Variants in TAFA5 observed in about 807,000 individuals in gnomAD.
TAFA5 encodes TAFA chemokine like family member 5, also known as chemokine-like protein TAFA-5.
A neutral mutation model predicts 15.3 loss-of-function variants in TAFA5; 6 were observed. The observed-to-expected ratio is 0.39, with a 90% CI of 0.21 to 0.77. TAFA5 has a LOEUF of 0.77. Ranked by LOEUF, TAFA5 falls within the 30% of genes least tolerant of loss-of-function variation. The pLI is 0.41. For missense variants in TAFA5, 161 were observed against 193.1 expected (o/e 0.83, Z 0.98); for synonymous variants, 103 against 80.7 (o/e 1.28, Z -1.48).
intron 2 of TAFA5, among the ~76,000 whole-genome samples, chr22:48,674,515 C>A (rs143529586): frequency 1.3e-5 from 2 of 152,168 alleles, no homozygotes; most frequent in Admixed American, 1.3e-4. Flanking sequence ...ACGGTGATCT[C>A]GGTGTTATTG....
Position 48,489,988 on chromosome 22 carries a change from C to G in TAFA5, c.112+284C>G, listed in dbSNP as rs988630137. Among the ~76,000 whole-genome samples the G allele has an allele frequency of 6.6e-6, 1 of 151,850 alleles. No homozygotes were observed. Among genetic ancestry groups the G allele is most frequent in the East Asian group, 2.0e-4 (1 of 5,128 alleles). On this transcript the variant is annotated intron_variant, in intron 1 of 3. Transcript: ENST00000402357. This position sits in a 1 kb window ranked among gnomAD's most constrained non-coding sequence, Gnocchi z 5.5. ...GCTCCAGGCCCCGGGTGGCGCGGCC[C>G]GTCCCTGCCCGGCGGTCGGAGCCCA...
intron 1 of TAFA5, among the ~76,000 whole-genome samples, chr22:48,630,174 A>AAGGTGGC: frequency 6.6e-6 from 1 of 151,572 alleles, no homozygotes; most frequent in African/African-American, 2.4e-5. Context: ...GAGCAGGTGG[A>AAGGTGGC]GTGGGAGGCT....
At chr22:48,531,553 T>A (rs941417026) in intron 1 of TAFA5, among the ~76,000 whole-genome samples, 8 of 152,300 alleles carry the variant, frequency 5.3e-5, no homozygotes, top group Non-Finnish European at 8.8e-5. Context: ...GGTTTGGCAT[T>A]GGCGTCAGGT....
At chr22:48,522,135 T>G (rs1921622785) in intron 1 of TAFA5, among the ~76,000 whole-genome samples, 1 of 152,188 alleles carries the variant, frequency 6.6e-6, no homozygotes, top group African/African-American at 2.4e-5. Flanking sequence ...TTTTTGTTTT[T>G]TCCCACGTAG....
intron 1 of TAFA5, among the ~76,000 whole-genome samples, chr22:48,528,761 G>T (rs936388225): frequency 6.6e-6 from 1 of 152,228 alleles, no homozygotes; most frequent in Non-Finnish European, 1.5e-5. Flanking sequence ...TGCAGGGCCG[G>T]TGGGCGGGGC....
At chr22:48,514,973 G>A (rs1309306581) in intron 1 of TAFA5, among the ~76,000 whole-genome samples, 1 of 152,250 alleles carries the variant, frequency 6.6e-6, no homozygotes, top group Non-Finnish European at 1.5e-5. Context: ...ACATGGCACG[G>A]GCCTCCCAGC....
intron 1 of TAFA5, among the ~76,000 whole-genome samples, chr22:48,645,925 T>C (rs767394766): frequency 1.3e-5 from 2 of 152,116 alleles, no homozygotes; most frequent in Non-Finnish European, 2.9e-5. Context: ...TGTGCGGTCA[T>C]GTGTGCCTGT....
intron 1 of TAFA5, among the ~76,000 whole-genome samples, chr22:48,628,962 G>A (rs569648579): frequency 2.6e-5 from 4 of 152,262 alleles, no homozygotes; most frequent in South Asian, 2.1e-4. Context: ...AGAGCCGGGC[G>A]CCGTTTCCCT....
rs1311621821 is a variant in TAFA5, at chr22:48,662,388, C to T, written c.262+15642C>T. Among the ~76,000 whole-genome samples, 6 of 152,188 alleles carry T rather than the reference C, an allele frequency of 3.9e-5. No individual in the cohort carries two copies. The East Asian group carries it at 7.7e-4, about 20-fold the overall frequency. The stretch of plus-strand genomic sequence containing the variant: ...CTTCTACAAAAATCTCTCTGCTGCT[C>T]TCTGGACCATAAGTTCAGGGCAGCA... On this transcript the variant is annotated intron_variant, in intron 2 of 3. Coordinates refer to ENST00000402357, the MANE Select transcript of TAFA5 (RefSeq NM_001082967.3).
At chr22:48,538,309 C>T (rs1922241115) in intron 1 of TAFA5, among the ~76,000 whole-genome samples, 1 of 152,174 alleles carries the variant, frequency 6.6e-6, no homozygotes, top group African/African-American at 2.4e-5. Flanking sequence ...GGGCTGAGGG[C>T]CGCTGCCCCG....
intron 1 of TAFA5, among the ~76,000 whole-genome samples, chr22:48,493,695 A>AATTATC (rs1204488879): frequency 6.6e-6 from 1 of 152,158 alleles, no homozygotes; most frequent in Non-Finnish European, 1.5e-5. Context: ...CATAAATATA[A>AATTATC]ATTATCTGTC....
intron 2 of TAFA5, among the ~76,000 whole-genome samples, chr22:48,654,217 A>C (rs1027631003): frequency 2.0e-5 from 3 of 152,054 alleles, no homozygotes; most frequent in African/African-American, 7.2e-5. Context: ...GCTGCCAACC[A>C]GGAGAGCCAA....
chr22:48,735,188 G>A (rs910110949), intron 3 of TAFA5, among the ~76,000 whole-genome samples: 5 of 152,296 alleles, frequency 3.3e-5, no homozygotes, highest in Admixed American at 2.0e-4. Context: ...CCACCCACGA[G>A]CCACAGAGCT....
rs920004086 is a variant in TAFA5 at position 48,576,716 on chromosome 22, C to T, written c.113-69881C>T. The T allele has an allele frequency of 1.2e-5, 12 of 1,041,520 alleles. No individual in the cohort carries two copies. The African/African-American group carries it at 1.5e-4, about 13-fold the overall frequency. The allele number at this position is 1,041,520 out of a possible 1,614,324, so 64.5% of individuals were successfully genotyped here. ...AGCGCCACTGCGGGCCCGGAGCGGCCGGCGGCGCGACCCTACCAGGAGCCC... is the reference window on the plus strand; with the variant it reads ...AGCGCCACTGCGGGCCCGGAGCGGCTGGCGGCGCGACCCTACCAGGAGCCC... On this transcript the variant is annotated intron_variant, in intron 1 of 3. Coordinates refer to ENST00000402357, the MANE Select transcript of TAFA5 (RefSeq NM_001082967.3).
intron 3 of TAFA5, 123 bp downstream of exon 3, chr22:48,707,967 G>A: frequency 1.5e-6 from 2 of 1,323,626 alleles, no homozygotes; most frequent in African/African-American, 1.5e-5. Flanking sequence ...CATGCAGAGA[G>A]GCCAGGGCCC....
chr22:48,609,335 C>A (rs1925313814), intron 1 of TAFA5, among the ~76,000 whole-genome samples: 1 of 152,232 alleles, frequency 6.6e-6, no homozygotes, highest in Non-Finnish European at 1.5e-5. Flanking sequence ...TTCGTGGACG[C>A]TCGGCCAGGC....
Position 48,489,703 on chromosome 22 carries a change from C to A in TAFA5, c.111C>A (p.Cys37Ter). ...MILASLLIAY[C>*]SQLAAGTCEI... ...TGGCCAGCCTGCTCATCGCCTACTG[C>A]AGTGAGTACCGCGCGGCCCCGGCCC... Residue 37 changes from cysteine (C) to a stop codon, truncating the protein, a stop_gained and splice_region_variant, in exon 1 of 4, where the codon TGC becomes TGA. Transcript: ENST00000402357. LOFTEE classifies it high-confidence loss of function. This position sits in a 1 kb window ranked among gnomAD's most constrained non-coding sequence, Gnocchi z 5.5. The A allele has an allele frequency of 6.8e-7, 1 of 1,474,364 alleles. No homozygotes were observed. The highest frequency in any genetic ancestry group is 2.2e-5 in the Admixed American group (1 of 45,284). The allele number at this position is 1,474,364 out of a possible 1,614,324, so 91.3% of individuals were successfully genotyped here. A position where few individuals can be genotyped will look rare whatever the true frequency, so the allele number is the denominator to read the frequency against.
intron 3 of TAFA5, among the ~76,000 whole-genome samples, chr22:48,721,318 C>G (rs1183465929): frequency 6.6e-6 from 1 of 152,176 alleles, no homozygotes; most frequent in East Asian, 1.9e-4. Flanking sequence ...TTCATGCCAC[C>G]CACTGCCTTC....
chr22:48,535,500 G>T (rs112592659), intron 1 of TAFA5, among the ~76,000 whole-genome samples: 2 of 151,748 alleles, frequency 1.3e-5, no homozygotes, highest in Non-Finnish European at 2.9e-5. Context: ...CACTGCACAC[G>T]CAATGTACAC....
Sources: allele counts gnomAD v4.1 joint callset (sites outside exome capture counted in the v4.1 genomes callset), GRCh38; gene constraint gnomAD v4.1.1; non-coding constraint Gnocchi (gnomAD v3.1); transcripts MANE v1.5; gene names NCBI Gene and HGNC (gene_info 2026-07-23, HGNC 2026-07-21).